KRTAP12-3: variants seen among roughly 807,000 people sequenced by gnomAD.
KRTAP12-3 encodes the protein keratin-associated protein 12-3.
Under a neutral mutation model 0.2 loss-of-function variants are expected in KRTAP12-3, and 1 was observed. The ratio of observed to expected loss-of-function variants is 4.14; its 90% CI spans 1.47 to 19.66. The LOEUF is 19.66. Ranked by LOEUF, KRTAP12-3 falls within the 30% of genes most tolerant of loss-of-function variation. KRTAP12-3 has a pLI of 0.11. For missense variants in KRTAP12-3, 116 were observed against 128.2 expected (o/e 0.90, Z 0.46); for synonymous variants, 61 against 54.3 (o/e 1.12, Z -0.54).
rs9306112 is a variant in KRTAP12-3 at position 44,658,303 on chromosome 21, T to C, written c.*33T>C. 1,085,322 of 1,599,940 alleles carry C rather than the reference T, an allele frequency of 0.68. 369,915 individuals carry two copies. Among genetic ancestry groups the C allele is most frequent in the African/African-American group, 0.81 (60,355 of 74,774 alleles). On this transcript the variant is annotated 3_prime_UTR_variant, in exon 1 of 1. Coordinates refer to ENST00000397907, the MANE Select transcript of KRTAP12-3 (RefSeq NM_198697.2). The stretch of plus-strand genomic sequence containing the variant: ...CTCCTGGTACACGGGGGTACACACC[T>C]GTATCCCTCCGTGAATAAGCATCTG...
In KRTAP12-3 at chr21:44,658,194, C is replaced by A. The variant is rs1985275338; in HGVS notation, c.215C>A (p.Ser72Tyr). Reference protein sequence around the residue: ...PIIYVTPSCQSSGCCQPPCTT... With the variant: ...PIIYVTPSCQYSGCCQPPCTT... ...ATATATGTGACTCCCTCTTGCCAAT[C>A]TTCGGGGTGCTGCCAGCCCCCCTGC... Residue 72 changes from serine to tyrosine, a missense_variant, in exon 1 of 1, where the codon TCT (serine) becomes TAT (tyrosine). Transcript: ENST00000397907. 3.1e-6 allele frequency: 5 copies of A among 1,613,994 alleles called. No homozygotes were observed. Among genetic ancestry groups the A allele is most frequent in the Non-Finnish European group, 4.2e-6 (5 of 1,180,000 alleles).
rs1428907682 is a variant in KRTAP12-3, at chr21:44,658,088, C to A, written c.109C>A (p.Pro37Thr). 6.2e-7 allele frequency: 1 copy of A among 1,613,744 alleles called. No homozygotes were observed. Among genetic ancestry groups the A allele is most frequent in the South Asian group, 1.1e-5 (1 of 90,996 alleles). Reference protein sequence around the residue: ...PVSCQSSVCMPVSCTRIVCVA... With the variant: ...PVSCQSSVCMTVSCTRIVCVA... ...GAGCTGCCAGTCCTCCGTGTGCATG[C>A]CCGTGAGCTGCACGCGCATTGTGTG... The change falls in exon 1 of 1, where the codon CCC (proline) becomes ACC (threonine). Residue 37 changes from proline to threonine, a missense_variant. Physicochemically the swap from Pro to Thr is conservative, Grantham distance 38. Transcript: ENST00000397907.
rs1255677969 is a variant in KRTAP12-3 at position 44,658,328 on chromosome 21, G to A, written c.*58G>A. On this transcript the variant is annotated 3_prime_UTR_variant, in exon 1 of 1. Coordinates refer to ENST00000397907, the MANE Select transcript of KRTAP12-3 (RefSeq NM_198697.2). ...TGTATCCCTCCGTGAATAAGCATCT[G>A]GTGGACCCCCAGATTGCACACATAG... 8 of 1,533,618 alleles carry A rather than the reference G, an allele frequency of 5.2e-6. No homozygotes were observed. Among genetic ancestry groups the A allele is most frequent in the Non-Finnish European group, 7.2e-6 (8 of 1,118,224 alleles).
At position 44,657,974 on chromosome 21, in the gene KRTAP12-3, GCCA is replaced by G. The variant is rs782082169; in HGVS notation, c.-2_1del. 1.9e-6 allele frequency: 3 copies of G among 1,610,824 alleles called. No individual in the cohort carries two copies. The highest frequency in any genetic ancestry group is 2.7e-5 in the African/African-American group (2 of 74,960). On this transcript the variant is annotated 5_prime_UTR_variant, in exon 1 of 1. Coordinates refer to ENST00000397907, the MANE Select transcript of KRTAP12-3 (RefSeq NM_198697.2). The stretch of plus-strand genomic sequence containing the variant: ...CTCCCCAGTACCAGCCCAGCCACAC[GCCA>G]CCATGTGCCACACCAGCTGCTCCCC...
Position 44,658,138 on chromosome 21 carries a change from C to T in KRTAP12-3, c.159C>T (p.Ser53=), listed in dbSNP as rs782775669. The T allele has an allele frequency of 1.7e-5, 28 of 1,613,730 alleles. No homozygotes were observed. The highest frequency in any genetic ancestry group is 6.6e-5 in the South Asian group (6 of 91,078). ...GCGTGGCTCCCTCCTGCCAGCCCTC[C>T]GTGTGCGTGCCCGTGAGCTGCAGGC... ...IVCVAPSCQP[S]VCVPVSCRPI... Residue 53 remains serine, a synonymous_variant, in exon 1 of 1, where the codon TCC becomes TCT. Transcript: ENST00000397907.
In KRTAP12-3 at chr21:44,658,134, C is replaced by A; in HGVS notation, c.155C>A (p.Pro52His). Residue 52 changes from proline (P) to histidine (H), a missense_variant, in exon 1 of 1, where the codon CCC (proline) becomes CAC (histidine). By Grantham distance (77) the Pro-to-His change is moderately conservative. Transcript: ENST00000397907. ...GTGTGCGTGGCTCCCTCCTGCCAGC[C>A]CTCCGTGTGCGTGCCCGTGAGCTGC... Reference protein sequence around the residue: ...RIVCVAPSCQPSVCVPVSCRP... With the variant: ...RIVCVAPSCQHSVCVPVSCRP... 1 of 1,613,898 alleles carries A rather than the reference C, an allele frequency of 6.2e-7. No homozygotes were observed. Among genetic ancestry groups the A allele is most frequent in the East Asian group, 2.2e-5 (1 of 44,876 alleles).
rs782173625 is a variant in KRTAP12-3, at chr21:44,658,091, G to T, written c.112G>T (p.Val38Leu). 2.5e-6 allele frequency: 4 copies of T among 1,613,456 alleles called. No homozygotes were observed. Among genetic ancestry groups the T allele is most frequent in the East Asian group, 2.2e-5 (1 of 44,864 alleles). The change falls in exon 1 of 1, where the codon GTG becomes TTG. Residue 38 changes from valine to leucine, a missense_variant. Transcript: ENST00000397907. ...VSCQSSVCMP[V>L]SCTRIVCVAP... Reference sequence around the variant, plus strand: ...CTGCCAGTCCTCCGTGTGCATGCCCGTGAGCTGCACGCGCATTGTGTGCGT... The same window carrying T: ...CTGCCAGTCCTCCGTGTGCATGCCCTTGAGCTGCACGCGCATTGTGTGCGT...
At position 44,657,941 on chromosome 21, in the gene KRTAP12-3, C is replaced by T. The variant is rs934684327; in HGVS notation, c.-39C>T. On this transcript the variant is annotated 5_prime_UTR_variant, in exon 1 of 1. Coordinates refer to ENST00000397907, the MANE Select transcript of KRTAP12-3 (RefSeq NM_198697.2). ...CCAGAGAAGCAGCTTCCAGACATCACCATCCTCCTCCCCAGTACCAGCCCA... is the reference window on the plus strand; with the variant it reads ...CCAGAGAAGCAGCTTCCAGACATCATCATCCTCCTCCCCAGTACCAGCCCA... 4.4e-6 allele frequency: 7 copies of T among 1,592,290 alleles called. No individual in the cohort carries two copies. Among genetic ancestry groups the T allele is most frequent in the Non-Finnish European group, 6.0e-6 (7 of 1,165,882 alleles).
At position 44,657,993 on chromosome 21, in the gene KRTAP12-3, G is replaced by C; in HGVS notation, c.14G>C (p.Ser5Thr). ...CCACACGCCACCATGTGCCACACCA[G>C]CTGCTCCCCAGCCTGCCAGCCAACC... is the stretch of plus-strand genomic sequence containing the variant. The part of the protein sequence containing the change: MCHT[S>T]CSPACQPTCC... The change falls in exon 1 of 1, where the codon AGC becomes ACC. Residue 5 changes from serine to threonine, a missense_variant. Physicochemically the swap from Ser to Thr is moderately conservative, Grantham distance 58. Transcript: ENST00000397907. 6.2e-7 allele frequency: 1 copy of C among 1,613,410 alleles called. No homozygotes were observed. Among genetic ancestry groups the C allele is most frequent in the Non-Finnish European group, 8.5e-7 (1 of 1,179,592 alleles).
rs1985267920 is a variant in KRTAP12-3, at chr21:44,658,128, G to A, written c.149G>A (p.Cys50Tyr). ...CTRIVCVAPS[C>Y]QPSVCVPVSC... ...CGCATTGTGTGCGTGGCTCCCTCCT[G>A]CCAGCCCTCCGTGTGCGTGCCCGTG... The change falls in exon 1 of 1, where the codon TGC (cysteine) becomes TAC (tyrosine). Residue 50 changes from cysteine to tyrosine, a missense_variant. By Grantham distance (194) the Cys-to-Tyr change is radical. Transcript: ENST00000397907. 1.1e-5 allele frequency: 18 copies of A among 1,613,862 alleles called. No homozygotes were observed. The highest frequency in any genetic ancestry group is 1.5e-5 in the Non-Finnish European group (18 of 1,179,904).
rs1428907682 is a variant in KRTAP12-3 at position 44,658,088 on chromosome 21, C to T, written c.109C>T (p.Pro37Ser). The change falls in exon 1 of 1, where the codon CCC becomes TCC. Residue 37 changes from proline to serine, a missense_variant. Coordinates refer to ENST00000397907, the MANE Select transcript of KRTAP12-3 (RefSeq NM_198697.2). Reference sequence around the variant, plus strand: ...GAGCTGCCAGTCCTCCGTGTGCATGCCCGTGAGCTGCACGCGCATTGTGTG... The same window carrying T: ...GAGCTGCCAGTCCTCCGTGTGCATGTCCGTGAGCTGCACGCGCATTGTGTG... ...PVSCQSSVCM[P>S]VSCTRIVCVA... is the part of the protein sequence containing the mutation. The T allele has an allele frequency of 2.5e-6, 4 of 1,613,626 alleles. No homozygotes were observed. Among genetic ancestry groups the T allele is most frequent in the African/African-American group, 2.7e-5 (2 of 74,826 alleles).
rs782565939 is a variant in KRTAP12-3, at chr21:44,658,191, A to C, written c.212A>C (p.Gln71Pro). Reference sequence around the variant, plus strand: ...ATCATATATGTGACTCCCTCTTGCCAATCTTCGGGGTGCTGCCAGCCCCCC... The same window carrying C: ...ATCATATATGTGACTCCCTCTTGCCCATCTTCGGGGTGCTGCCAGCCCCCC... Reference protein sequence around the residue: ...RPIIYVTPSCQSSGCCQPPCT... With the variant: ...RPIIYVTPSCPSSGCCQPPCT... Residue 71 changes from glutamine (Q) to proline (P), a missense_variant, in exon 1 of 1, where the codon CAA (glutamine) becomes CCA (proline). By Grantham distance (76) the Gln-to-Pro change is moderately conservative (BLOSUM62 -1). Coordinates refer to ENST00000397907, the MANE Select transcript of KRTAP12-3 (RefSeq NM_198697.2). 1.9e-6 allele frequency: 3 copies of C among 1,613,930 alleles called. No homozygotes were observed. The highest frequency in any genetic ancestry group is 2.5e-6 in the Non-Finnish European group (3 of 1,179,950).
chr21:44,658,197 C>T lies in KRTAP12-3; in HGVS notation c.218C>T (p.Ser73Leu), dbSNP rs782406301. The T allele has an allele frequency of 2.0e-5, 32 of 1,613,990 alleles. 1 individual carries two copies. The highest frequency in any genetic ancestry group is 8.8e-5 in the South Asian group (8 of 91,086). Residue 73 changes from serine to leucine, a missense_variant, in exon 1 of 1, where the codon TCG becomes TTG. Transcript: ENST00000397907. ...TATGTGACTCCCTCTTGCCAATCTT[C>T]GGGGTGCTGCCAGCCCCCCTGCACC... ...IIYVTPSCQS[S>L]GCCQPPCTTA...
Position 44,658,182 on chromosome 21 carries a change from C to T in KRTAP12-3, c.203C>T (p.Pro68Leu), listed in dbSNP as rs1368894930. ...VSCRPIIYVT[P>L]SCQSSGCCQP... Reference sequence around the variant, plus strand: ...TGCAGGCCCATCATATATGTGACTCCCTCTTGCCAATCTTCGGGGTGCTGC... The same window carrying T: ...TGCAGGCCCATCATATATGTGACTCTCTCTTGCCAATCTTCGGGGTGCTGC... Residue 68 changes from proline to leucine, a missense_variant, in exon 1 of 1, where the codon CCC (proline) becomes CTC (leucine). Transcript: ENST00000397907. 3 of 1,614,152 alleles carry T rather than the reference C, an allele frequency of 1.9e-6. No homozygotes were observed. The highest frequency in any genetic ancestry group is 1.6e-4 in the Middle Eastern group (1 of 6,062).
In KRTAP12-3 at chr21:44,658,286, A is replaced by T. The variant is rs781842165; in HGVS notation, c.*16A>T. ...CTGCTGCTGACCAGCTGCTCCTGGT[A>T]CACGGGGGTACACACCTGTATCCCT... On this transcript the variant is annotated 3_prime_UTR_variant, in exon 1 of 1. Transcript: ENST00000397907. The T allele has an allele frequency of 1.9e-6, 3 of 1,610,620 alleles. No homozygotes were observed. The South Asian group carries it at 3.3e-5, about 18-fold the overall frequency.
the KRTAP12-3 span, chr21:44,658,259 TCCTGCTGCTGA>T: frequency 6.2e-7 from 1 of 1,613,480 alleles, no homozygotes; most frequent in Non-Finnish European, 8.5e-7. Flanking sequence ...CAGCACCCCT[TCCTGCTGCTGA>T]CCAGCTGCTC....
Position 44,658,126 on chromosome 21 carries a change from C to T in KRTAP12-3, c.147C>T (p.Ser49=). Residue 49 remains serine (S), a synonymous_variant, in exon 1 of 1, where the codon TCC becomes TCT. Transcript: ENST00000397907. ...SCTRIVCVAP[S]CQPSVCVPVS... ...CGCGCATTGTGTGCGTGGCTCCCTC[C>T]TGCCAGCCCTCCGTGTGCGTGCCCG... 6.2e-7 allele frequency: 1 copy of T among 1,613,840 alleles called. No individual in the cohort carries two copies. The highest frequency in any genetic ancestry group is 8.5e-7 in the Non-Finnish European group (1 of 1,179,890).
At chr21:44,658,057 G>GC in the KRTAP12-3 span, 1 of 1,611,848 alleles carries the variant, frequency 6.2e-7, no homozygotes, top group Non-Finnish European at 8.5e-7. Context: ...CCTGCTATGT[G>GC]CCCGTGAGCT....
rs782628897 is a variant in KRTAP12-3 at position 44,658,078 on chromosome 21, C to T, written c.99C>T (p.Ser33=). 217 of 1,613,888 alleles carry T rather than the reference C, an allele frequency of 1.3e-4. 1 individual carries two copies. The highest frequency in any genetic ancestry group is 1.7e-4 in the Non-Finnish European group (203 of 1,179,938). The change falls in exon 1 of 1, where the codon TCC becomes TCT. Residue 33 remains serine, a synonymous_variant. Coordinates refer to ENST00000397907, the MANE Select transcript of KRTAP12-3 (RefSeq NM_198697.2). Reference sequence around the variant, plus strand: ...ATGTGCCCGTGAGCTGCCAGTCCTCCGTGTGCATGCCCGTGAGCTGCACGC... The same window carrying T: ...ATGTGCCCGTGAGCTGCCAGTCCTCTGTGTGCATGCCCGTGAGCTGCACGC... ...SCYVPVSCQS[S]VCMPVSCTRI...
Sources: allele counts gnomAD v4.1 joint callset, GRCh38; gene constraint gnomAD v4.1.1; transcripts MANE v1.5; gene names NCBI Gene and HGNC (gene_info 2026-07-23, HGNC 2026-07-21).